KCNK12: variants seen among roughly 807,000 people sequenced by gnomAD.
KCNK12 encodes potassium channel subfamily K member 12.
In KCNK12, 6 loss-of-function variants were observed where a neutral mutation model predicts 25.3. The observed-to-expected ratio is 0.24, with a 90% CI of 0.13 to 0.47. The LOEUF (loss-of-function observed/expected upper bound fraction) is 0.47, where lower values mean the gene tolerates loss of function less well. Ranked by LOEUF, KCNK12 falls within the 20% of genes least tolerant of loss-of-function variation. KCNK12 has a pLI of 0.99. For synonymous variants in KCNK12, 331 were observed against 311.1 expected (o/e 1.06, Z -0.67); for missense variants, 444 against 661.7 (o/e 0.67, Z 3.61).
chr2:47,527,797 T>C (rs542255495), intron 1 of KCNK12: 7 of 152,296 alleles, frequency 4.6e-5, no homozygotes, highest in Non-Finnish European at 8.8e-5. Flanking sequence ...ACACCAGACA[T>C]GAAGCTGGTA....
rs1422268267 is a variant in KCNK12, at chr2:47,570,324, G to A, written c.8C>T (p.Ser3Phe). The A allele has an allele frequency of 9.8e-6, 13 of 1,328,008 alleles. No individual in the cohort carries two copies. In the Admixed American group the frequency reaches 1.5e-4, roughly 16 times the overall value. The allele number at this position is 1,328,008 out of a possible 1,614,324, so 82.3% of individuals were successfully genotyped here. The change falls in exon 1 of 2, where the codon TCC becomes TTC. Residue 3 changes from serine (S) to phenylalanine (F), a missense_variant. Ser to Phe is a radical substitution (Grantham distance 155). Transcript: ENST00000327876. MS[S>F]RSPRPPPRRS... ...GCGGGGCGGGGGCCGGGGGCTGCGGGAGGACATGGTCCGGAGCTCAGCCCC... is the reference window on the plus strand; with the variant it reads ...GCGGGGCGGGGGCCGGGGGCTGCGGAAGGACATGGTCCGGAGCTCAGCCCC...
intron 1 of KCNK12, among the ~76,000 whole-genome samples, chr2:47,526,597 G>A (rs548635729): frequency 6.6e-6 from 1 of 151,998 alleles, no homozygotes; most frequent in Admixed American, 6.6e-5. Flanking sequence ...GCCGGGCATA[G>A]TGGAGTGCAC....
chr2:47,531,554 G>A (rs923901644), intron 1 of KCNK12, among the ~76,000 whole-genome samples: 7 of 152,150 alleles, frequency 4.6e-5, no homozygotes, highest in African/African-American at 1.7e-4. Flanking sequence ...TCCCCTGCTG[G>A]GACAGTGCAG....
At position 47,519,826 on chromosome 2, in the gene KCNK12, T is replaced by A. The variant is rs745937775; in HGVS notation, c.*1081A>T. On this transcript the variant is annotated 3_prime_UTR_variant, in exon 2 of 2. Transcript: ENST00000327876. ...GCCAAATACCCTGACATTTGCAAGATGGCTTCTTTTGGGTTCCTGGTGCTG... is the reference window on the plus strand; with the variant it reads ...GCCAAATACCCTGACATTTGCAAGAAGGCTTCTTTTGGGTTCCTGGTGCTG... 1 of 152,250 alleles carries A rather than the reference T, an allele frequency of 6.6e-6. No homozygotes were observed. Among genetic ancestry groups the A allele is most frequent in the African/African-American group, 2.4e-5 (1 of 41,460 alleles). 9.4% of individuals were successfully genotyped at this position (152,250 alleles called of 1,614,324 possible).
rs1249906592 is a variant in KCNK12 at position 47,548,512 on chromosome 2, C to G, written c.391+21429G>C. 6.6e-6 allele frequency among the ~76,000 whole-genome samples: 1 copy of G among 152,124 alleles called. No homozygotes were observed. The highest frequency in any genetic ancestry group is 2.4e-5 in the African/African-American group (1 of 41,414). On this transcript the variant is annotated intron_variant, in intron 1 of 1. Transcript: ENST00000327876. This position sits in a 1 kb window ranked among gnomAD's most constrained non-coding sequence, Gnocchi z 4.4. ...TGCTAAGGGCAAAAGTCTTAGAGCC[C>G]TTTTTTATTCTTTTGCTTTCTCTCA...
Position 47,521,579 on chromosome 2 carries a change from C to A in KCNK12, c.621G>T (p.Ala207=), listed in dbSNP as rs1261974702. The change falls in exon 2 of 2, where the codon GCG becomes GCT. Residue 207 remains alanine, a synonymous_variant. Transcript: ENST00000327876. ...CGTGGTACACCGAGGGCTTCCAGCC[C>A]GCCAGGCTGTCGGCCTCCGAGAGCG... ...GSALSEADSL[A]GWKPSVYHVL... 6.4e-7 allele frequency: 1 copy of A among 1,559,132 alleles called. No individual in the cohort carries two copies.
rs571855665 is a variant in KCNK12, at chr2:47,555,120, G to A, written c.391+14821C>T. On this transcript the variant is annotated intron_variant, in intron 1 of 1. Transcript: ENST00000327876. The surrounding 1 kb of genome is among the most constrained non-coding windows in gnomAD (Gnocchi z 4.5). ...GTTTTGATACATATTGAATATCCAT[G>A]TGGAGATGTCAAGTGGGCAGTTGGA... 6.6e-6 allele frequency among the ~76,000 whole-genome samples: 1 copy of A among 152,334 alleles called. No individual in the cohort carries two copies. Among genetic ancestry groups the A allele is most frequent in the South Asian group, 2.1e-4 (1 of 4,826 alleles).
rs1436847910 is a variant in KCNK12, at chr2:47,528,077, C to A, written c.392-6269G>T. On this transcript the variant is annotated intron_variant, in intron 1 of 1. Transcript: ENST00000327876. The surrounding 1 kb of genome is among the most constrained non-coding windows in gnomAD (Gnocchi z 4.5). ...CTTGTCCTGGGGTCTTCTTACGGCC[C>A]TGGTTCAGCTTGCATTCAGCATAAC... Among the ~76,000 whole-genome samples the A allele has an allele frequency of 6.6e-6, 1 of 152,158 alleles. No homozygotes were observed. Among genetic ancestry groups the A allele is most frequent in the Non-Finnish European group, 1.5e-5 (1 of 68,022 alleles).
At chr2:47,531,529 G>A (rs1006828370) in intron 1 of KCNK12, among the ~76,000 whole-genome samples, 10 of 152,176 alleles carry the variant, frequency 6.6e-5, no homozygotes, top group African/African-American at 2.2e-4. Context: ...CAGAGGCCTA[G>A]GCTTGGGAAA....
At chr2:47,534,899 T>C (rs573141290) in intron 1 of KCNK12, 1 of 210,514 alleles carries the variant, frequency 4.8e-6, no homozygotes, top group East Asian at 7.2e-5. Flanking sequence ...AAGTCTCTGG[T>C]GGTTTGTAAA....
At chr2:47,537,393 C>T (rs1035714906) in intron 1 of KCNK12, among the ~76,000 whole-genome samples, 2 of 151,638 alleles carry the variant, frequency 1.3e-5, no homozygotes, top group East Asian at 1.9e-4. Flanking sequence ...TGCACTGGCG[C>T]GATCTCAGCT....
In KCNK12 at chr2:47,557,055, G is replaced by A. The variant is rs750595327; in HGVS notation, c.391+12886C>T. Reference sequence around the variant, plus strand: ...CTGGAGAAGGCTGGAGAGGAACTCAGTGAGGCAGACTTCAGTGAATGGGCA... The same window carrying A: ...CTGGAGAAGGCTGGAGAGGAACTCAATGAGGCAGACTTCAGTGAATGGGCA... On this transcript the variant is annotated intron_variant, in intron 1 of 1. Coordinates refer to ENST00000327876, the MANE Select transcript of KCNK12 (RefSeq NM_022055.2). The surrounding 1 kb of genome is among the most constrained non-coding windows in gnomAD (Gnocchi z 4.9). Among the ~76,000 whole-genome samples, 1 of 152,228 alleles carries A rather than the reference G, an allele frequency of 6.6e-6. No homozygotes were observed. Among genetic ancestry groups the A allele is most frequent in the Non-Finnish European group, 1.5e-5 (1 of 68,052 alleles).
chr2:47,522,529 G>A (rs1203962431), intron 1 of KCNK12, among the ~76,000 whole-genome samples: 1 of 152,188 alleles, frequency 6.6e-6, no homozygotes, highest in African/African-American at 2.4e-5. Flanking sequence ...CAGGCTGGAT[G>A]CAGTGGTACA....
chr2:47,520,642 T>TG lies in KCNK12; in HGVS notation c.*264dup, dbSNP rs1382284281. 3 of 351,984 alleles carry TG rather than the reference T, an allele frequency of 8.5e-6. No individual in the cohort carries two copies. The highest frequency in any genetic ancestry group is 1.5e-5 in the Non-Finnish European group (3 of 198,096). The allele number at this position is 351,984 out of a possible 1,614,324, so 21.8% of individuals were successfully genotyped here. A position where few individuals can be genotyped will look rare whatever the true frequency, so the allele number is the denominator to read the frequency against. ...CTGCGGTATGCCCTGGGTGTGGGCC[T>TG]GGGGGGCCACGTTTTCTCTCCCTGA... is the stretch of plus-strand genomic sequence containing the variant. On this transcript the variant is annotated 3_prime_UTR_variant, in exon 2 of 2. Transcript: ENST00000327876. The surrounding 1 kb of genome is among the most constrained non-coding windows in gnomAD (Gnocchi z 5.0).
chr2:47,517,187 C>T lies in KCNK12; in HGVS notation c.*3720G>A, dbSNP rs1056079025. ...GTTACAGTAAGATCGAACCACAGGG[C>T]CCGTCGCTCCTATGGTCTCTGCCTG... On this transcript the variant is annotated 3_prime_UTR_variant, in exon 2 of 2. Transcript: ENST00000327876. The surrounding 1 kb of genome is among the most constrained non-coding windows in gnomAD (Gnocchi z 4.1). The T allele has an allele frequency of 5.9e-5, 9 of 152,216 alleles. No individual in the cohort carries two copies. Among genetic ancestry groups the T allele is most frequent in the African/African-American group, 1.7e-4 (7 of 41,514 alleles). The allele number at this position is 152,216 out of a possible 1,614,324, so 9.4% of individuals were successfully genotyped here.
Position 47,533,359 on chromosome 2 carries a change from T to G in KCNK12, c.392-11551A>C, listed in dbSNP as rs1189983991. Reference sequence around the variant, plus strand: ...CTGTGAAGATTAAATGAGGATGTAGTTCCCACATGCATCCCACAGTGCCCG... The same window carrying G: ...CTGTGAAGATTAAATGAGGATGTAGGTCCCACATGCATCCCACAGTGCCCG... On this transcript the variant is annotated intron_variant, in intron 1 of 1. Transcript: ENST00000327876. The surrounding 1 kb of genome is among the most constrained non-coding windows in gnomAD (Gnocchi z 4.7). 6.6e-6 allele frequency among the ~76,000 whole-genome samples: 1 copy of G among 152,158 alleles called. No homozygotes were observed. The highest frequency in any genetic ancestry group is 1.9e-4 in the East Asian group (1 of 5,180).
rs1669334430 is a variant in KCNK12 at position 47,547,290 on chromosome 2, A to C, written c.391+22651T>G. Reference sequence around the variant, plus strand: ...CTTGACAGCAACTGAAATTACTCTCATGAGGAGTTTTACAAAATGCTAATT... The same window carrying C: ...CTTGACAGCAACTGAAATTACTCTCCTGAGGAGTTTTACAAAATGCTAATT... On this transcript the variant is annotated intron_variant, in intron 1 of 1. Coordinates refer to ENST00000327876, the MANE Select transcript of KCNK12 (RefSeq NM_022055.2). The surrounding 1 kb of genome is among the most constrained non-coding windows in gnomAD (Gnocchi z 5.0). 6.6e-6 allele frequency among the ~76,000 whole-genome samples: 1 copy of C among 152,146 alleles called. No individual in the cohort carries two copies. Among genetic ancestry groups the C allele is most frequent in the South Asian group, 2.1e-4 (1 of 4,822 alleles).
In KCNK12 at chr2:47,558,033, A is replaced by C. The variant is rs116594360; in HGVS notation, c.391+11908T>G. ...CTTTTACAAAGCAGGTCATCATCTG[A>C]TCATCATATTTTACTTTTTATAAAA... is the stretch of plus-strand genomic sequence containing the variant. On this transcript the variant is annotated intron_variant, in intron 1 of 1. Coordinates refer to ENST00000327876, the MANE Select transcript of KCNK12 (RefSeq NM_022055.2). Among the ~76,000 whole-genome samples, 435 of 152,306 alleles carry C rather than the reference A, an allele frequency of 2.9e-3. 1 individual carries two copies. Among genetic ancestry groups the C allele is most frequent in the African/African-American group, 0.01 (419 of 41,556 alleles).
rs755197281 is a variant in KCNK12, at chr2:47,560,167, T to C, written c.391+9774A>G. On this transcript the variant is annotated intron_variant, in intron 1 of 1. Transcript: ENST00000327876. The surrounding 1 kb of genome is among the most constrained non-coding windows in gnomAD (Gnocchi z 4.7). ...TGTTTTTTTGGTTTTCTGTCCCGCCTGTCCATGCCCACTGCAGCTGTTTCC... is the reference window on the plus strand; with the variant it reads ...TGTTTTTTTGGTTTTCTGTCCCGCCCGTCCATGCCCACTGCAGCTGTTTCC... 2.0e-5 allele frequency among the ~76,000 whole-genome samples: 3 copies of C among 152,208 alleles called. No homozygotes were observed. The highest frequency in any genetic ancestry group is 4.4e-5 in the Non-Finnish European group (3 of 68,038).
Sources: gnomAD v4.1 joint callset for allele counts (sites outside exome capture counted in the v4.1 genomes callset) on GRCh38, gnomAD v4.1.1 for gene constraint, Gnocchi (gnomAD v3.1) non-coding constraint, MANE v1.5 for transcripts, NCBI Gene and HGNC (gene_info 2026-07-23, HGNC 2026-07-21) for gene names.